Variants in WDR70 observed in about 807,000 individuals in gnomAD.
The protein encoded by WDR70 is WD repeat-containing protein 70.
WDR70 carries 53 observed loss-of-function variants against 88.6 expected under a neutral mutation model. The observed-to-expected ratio is 0.60, with a 90% CI of 0.48 to 0.75. The LOEUF is 0.75. Among genes scored for constraint, WDR70 ranks in the 30% least tolerant of loss-of-function variants. The pLI is 0.00. For missense variants in WDR70, 610 were observed against 823.2 expected (o/e 0.74, Z 3.17); for synonymous variants, 280 against 270.0 (o/e 1.04, Z -0.36).
chr5:37,606,887 C>G (rs961780283), intron 10 of WDR70, among the ~76,000 whole-genome samples: 1 of 25,498 alleles, frequency 3.9e-5, no homozygotes, highest in Non-Finnish European at 8.2e-5. Flanking sequence ...CTTGCTCCCC[C>G]CTCCCCTCCC....
intron 5 of WDR70, among the ~76,000 whole-genome samples, chr5:37,411,449 G>A (rs973070728): frequency 6.6e-6 from 1 of 151,584 alleles, no homozygotes; most frequent in South Asian, 2.1e-4. Context: ...TTTTTGGCCA[G>A]ATGCAGTGGC....
At chr5:37,407,343 C>T (rs996371542) in intron 5 of WDR70, among the ~76,000 whole-genome samples, 3 of 151,948 alleles carry the variant, frequency 2.0e-5, no homozygotes, top group Admixed American at 6.6e-5. Context: ...ATCAACATGG[C>T]GAAACCCCAT....
chr5:37,463,272 G>A (rs1739066807), intron 7 of WDR70, among the ~76,000 whole-genome samples: 2 of 144,458 alleles, frequency 1.4e-5, no homozygotes, highest in African/African-American at 5.1e-5. Flanking sequence ...ATTCTGTATC[G>A]AAAAAAAAAA....
intron 5 of WDR70, among the ~76,000 whole-genome samples, chr5:37,420,501 A>G (rs1012896442): frequency 2.6e-5 from 4 of 152,048 alleles, no homozygotes; most frequent in Admixed American, 6.6e-5. Flanking sequence ...ATATAGTGGT[A>G]TTATCATAAC....
At chr5:37,607,771 T>G (rs889385961) in intron 10 of WDR70, among the ~76,000 whole-genome samples, 27 of 152,192 alleles carry the variant, frequency 1.8e-4, no homozygotes, top group Admixed American at 1.3e-3. Context: ...GAGGAGTGGT[T>G]GTTTGCCCAA....
intron 10 of WDR70, among the ~76,000 whole-genome samples, chr5:37,680,491 C>G (rs142214355): frequency 2.2e-4 from 34 of 152,216 alleles, no homozygotes; most frequent in African/African-American, 7.5e-4. Flanking sequence ...TATCCTGAAT[C>G]ATGTTGCCTA....
intron 10 of WDR70, among the ~76,000 whole-genome samples, chr5:37,683,701 G>C (rs901577632): frequency 1.3e-5 from 2 of 152,180 alleles, no homozygotes; most frequent in African/African-American, 4.8e-5. Context: ...GGTTTCTGCT[G>C]AGAGGTCCAC....
In WDR70 at chr5:37,596,796, G is replaced by A. The variant is rs148839196; in HGVS notation, c.918-8268G>A. Among the ~76,000 whole-genome samples, 67 of 151,352 alleles carry A rather than the reference G, an allele frequency of 4.4e-4. No individual in the cohort carries two copies. In the East Asian group the frequency reaches 6.8e-3, roughly 15 times the overall value. ...TTTGCCTTTTTACATGTGTAGGTCT[G>A]TGTGATTTGACAAATGAATGGTTGT... On this transcript the variant is annotated intron_variant, in intron 9 of 17. Transcript: ENST00000265107.
chr5:37,669,248 C>G (rs1050551168), intron 10 of WDR70, among the ~76,000 whole-genome samples: 5 of 152,010 alleles, frequency 3.3e-5, no homozygotes, highest in Non-Finnish European at 7.4e-5. Flanking sequence ...CCTTATTTCA[C>G]TTTTACATTA....
chr5:37,393,420 C>G (rs1289503547), intron 4 of WDR70, among the ~76,000 whole-genome samples: 1 of 151,938 alleles, frequency 6.6e-6, no homozygotes, highest in Non-Finnish European at 1.5e-5. Context: ...TTTTGGTTTG[C>G]TTTATTCTTT....
intron 17 of WDR70, 55 bp downstream of exon 17, chr5:37,727,100 G>A: frequency 6.5e-7 from 1 of 1,546,500 alleles, no homozygotes; most frequent in Non-Finnish European, 8.7e-7. Flanking sequence ...GAATTGGGGA[G>A]AACATAACAA....
chr5:37,557,959 T>TTTTTGAAAACTCTTCA, intron 9 of WDR70, among the ~76,000 whole-genome samples: 1 of 146,506 alleles, frequency 6.8e-6, no homozygotes, highest in Non-Finnish European at 1.5e-5. Flanking sequence ...AAAAGAGTAT[T>TTTTTGAAAACTCTTCA]ATGTATATTT....
At chr5:37,505,451 C>A (rs1451332332) in intron 8 of WDR70, among the ~76,000 whole-genome samples, 1 of 152,076 alleles carries the variant, frequency 6.6e-6, no homozygotes, top group African/African-American at 2.4e-5. Flanking sequence ...ATTCAAAAAG[C>A]AGCAATATCT....
At chr5:37,462,173 A>G (rs913538528) in intron 7 of WDR70, among the ~76,000 whole-genome samples, 7 of 152,182 alleles carry the variant, frequency 4.6e-5, no homozygotes, top group East Asian at 1.9e-4. Context: ...GAAGTCTTAT[A>G]TATTTCCTAT....
intron 9 of WDR70, among the ~76,000 whole-genome samples, chr5:37,603,839 T>G (rs1392729693): frequency 6.6e-6 from 1 of 152,354 alleles, no homozygotes; most frequent in South Asian, 2.1e-4. Context: ...CTTTAGAGTT[T>G]GTAATATACA....
At chr5:37,461,135 G>A (rs956553138) in intron 7 of WDR70, among the ~76,000 whole-genome samples, 29 of 149,192 alleles carry the variant, frequency 1.9e-4, no homozygotes, top group African/African-American at 6.5e-4. Flanking sequence ...ATAAAGGGTT[G>A]TGAAACAAAC....
At chr5:37,414,144 CA>C (rs59026349) in intron 5 of WDR70, among the ~76,000 whole-genome samples, 1,636 of 94,082 alleles carry the variant, frequency 0.017, 28 homozygotes, top group African/African-American at 0.063. Context: ...AACTCTGTCT[CA>C]AAAAAAAAAA....
chr5:37,512,253 C>T (rs1740742998), intron 8 of WDR70, among the ~76,000 whole-genome samples: 1 of 151,964 alleles, frequency 6.6e-6, no homozygotes, highest in Non-Finnish European at 1.5e-5. Context: ...AACAGGGTCT[C>T]ATAATGTTGC....
chr5:37,743,345 A>T (rs1748541345), intron 17 of WDR70, among the ~76,000 whole-genome samples: 1 of 152,148 alleles, frequency 6.6e-6, no homozygotes, highest in Admixed American at 6.5e-5. Flanking sequence ...TAGCATCCTA[A>T]CCCCGGAATG....
Sources: gnomAD v4.1 joint callset for allele counts (sites outside exome capture counted in the v4.1 genomes callset) on GRCh38, gnomAD v4.1.1 for gene constraint, MANE v1.5 for transcripts, NCBI Gene and HGNC (gene_info 2026-07-23, HGNC 2026-07-21) for gene names.